LRMDA: variants seen among roughly 807,000 people sequenced by gnomAD.
The protein encoded by LRMDA is leucine-rich melanocyte differentiation-associated protein.
LRMDA carries 18 observed loss-of-function variants against 29.8 expected under a neutral mutation model. That is an observed-to-expected ratio of 0.60 (90% CI 0.42 to 0.90). The LOEUF is 0.90. LRMDA is among the 40% of genes least tolerant of loss of function. The probability of loss-of-function intolerance (pLI) is 0.00; values close to 1 mark genes in which losing one functional copy is unlikely to be tolerated. For missense variants in LRMDA, 273 were observed against 273.9 expected (o/e 1.00, Z 0.02); for synonymous variants, 125 against 109.4 (o/e 1.14, Z -0.89).
At chr10:75,971,224 C>T (rs1846963417) in intron 2 of LRMDA, among the ~76,000 whole-genome samples, 1 of 152,196 alleles carries the variant, frequency 6.6e-6, no homozygotes, top group African/African-American at 2.4e-5. Context: ...TCTTCCCTTT[C>T]TCTCCCCATC....
At chr10:76,119,287 G>C (rs958126535) in intron 5 of LRMDA, among the ~76,000 whole-genome samples, 5 of 152,016 alleles carry the variant, frequency 3.3e-5, no homozygotes, top group Admixed American at 2.6e-4. Context: ...TGGAGCCAAG[G>C]CTCCTCACAC....
intron 2 of LRMDA, among the ~76,000 whole-genome samples, chr10:75,587,559 C>T (rs772933215): frequency 1.3e-5 from 2 of 152,120 alleles, no homozygotes; most frequent in Non-Finnish European, 2.9e-5. Flanking sequence ...GACTAAATGG[C>T]ATATCTTTAT....
chr10:76,484,567 G>C (rs1033782252), intron 6 of LRMDA, among the ~76,000 whole-genome samples: 1 of 151,764 alleles, frequency 6.6e-6, no homozygotes, highest in Admixed American at 6.6e-5. Flanking sequence ...CATTTAAATG[G>C]TATTGCTTTT....
rs114008661 is a variant in LRMDA at position 76,174,556 on chromosome 10, G to T, written c.516+115773G>T. 6.3e-3 allele frequency among the ~76,000 whole-genome samples: 962 copies of T among 152,250 alleles called. 15 individuals carry two copies. The highest frequency in any genetic ancestry group is 0.021 in the African/African-American group (889 of 41,550). On this transcript the variant is annotated intron_variant, in intron 5 of 6. Transcript: ENST00000611255. ...TCCATCTTATCCTCATTGTTGTAGA[G>T]CACTGGGTTTTCTTTCTTACTGTGA... is the stretch of plus-strand genomic sequence containing the variant.
chr10:75,487,917 T>A (rs760354823), intron 2 of LRMDA, among the ~76,000 whole-genome samples: 17 of 152,218 alleles, frequency 1.1e-4, no homozygotes, highest in Non-Finnish European at 2.4e-4. Flanking sequence ...GAGCTACTTC[T>A]GCTATTTTTG....
chr10:76,209,276 C>T (rs1383662716), intron 5 of LRMDA, among the ~76,000 whole-genome samples: 1 of 152,166 alleles, frequency 6.6e-6, no homozygotes, highest in Non-Finnish European at 1.5e-5. Context: ...TGAGCATTTG[C>T]TCAGTCCTGT....
intron 4 of LRMDA, among the ~76,000 whole-genome samples, chr10:76,054,218 A>T (rs550997495): frequency 2.0e-5 from 3 of 152,088 alleles, no homozygotes; most frequent in Non-Finnish European, 4.4e-5. Flanking sequence ...AGATGGAACT[A>T]TTTGGGGCAA....
intron 2 of LRMDA, among the ~76,000 whole-genome samples, chr10:75,514,492 C>T (rs1246584774): frequency 6.6e-6 from 1 of 152,018 alleles, no homozygotes; most frequent in African/African-American, 2.4e-5. Context: ...GATATGTCCC[C>T]TCCAAATTGC....
Position 76,506,512 on chromosome 10 carries a change from A to AT in LRMDA, c.602-50691dup, listed in dbSNP as rs1030380915. ...ATCTCCCCTTATTTTCTTTTCATAC[A>AT]TTTTTTCACCAAAATTTGACTTGTA... On this transcript the variant is annotated intron_variant, in intron 6 of 6. Coordinates refer to ENST00000611255, the MANE Select transcript of LRMDA (RefSeq NM_001305581.2). Among the ~76,000 whole-genome samples the AT allele has an allele frequency of 4.6e-5, 7 of 151,956 alleles. No homozygotes were observed. In the East Asian group the frequency reaches 7.8e-4, roughly 17 times the overall value.
chr10:76,477,260 GACAA>G (rs1184789829), intron 6 of LRMDA, among the ~76,000 whole-genome samples: 2 of 151,150 alleles, frequency 1.3e-5, no homozygotes, highest in East Asian at 1.9e-4. Flanking sequence ...ACCAATAACA[GACAA>G]ACAGAGAGCC....
chr10:75,822,264 G>A (rs1373134896), intron 2 of LRMDA, among the ~76,000 whole-genome samples: 1 of 152,062 alleles, frequency 6.6e-6, no homozygotes, highest in African/African-American at 2.4e-5. Flanking sequence ...TCAAGGAGGT[G>A]AAATATCTCC....
At chr10:76,008,181 A>C (rs1847707110) in intron 2 of LRMDA, among the ~76,000 whole-genome samples, 2 of 152,280 alleles carry the variant, frequency 1.3e-5, no homozygotes, top group East Asian at 1.9e-4. Flanking sequence ...CTAATGTCCT[A>C]AGAAGGCTAC....
At chr10:75,571,905 T>G (rs1672146214) in intron 2 of LRMDA, among the ~76,000 whole-genome samples, 1 of 152,154 alleles carries the variant, frequency 6.6e-6, no homozygotes, top group Non-Finnish European at 1.5e-5. Flanking sequence ...TGCTTTAGTC[T>G]TTAGATCTAG....
At chr10:76,276,814 T>C (rs1197424900) in intron 5 of LRMDA, among the ~76,000 whole-genome samples, 1 of 152,252 alleles carries the variant, frequency 6.6e-6, no homozygotes, top group Admixed American at 6.5e-5. Flanking sequence ...GCCTCATTTC[T>C]TTCAGACTAT....
At chr10:75,751,611 A>T (rs1426750374) in intron 2 of LRMDA, among the ~76,000 whole-genome samples, 2 of 152,192 alleles carry the variant, frequency 1.3e-5, no homozygotes, top group African/African-American at 2.4e-5. Context: ...GCCCTTGCCC[A>T]TAGTAAGCAC....
chr10:75,506,648 C>T (rs972316474), intron 2 of LRMDA, among the ~76,000 whole-genome samples: 1 of 152,076 alleles, frequency 6.6e-6, no homozygotes, highest in Non-Finnish European at 1.5e-5. Context: ...GAGACATGGA[C>T]CATGCTTTAA....
intron 6 of LRMDA, among the ~76,000 whole-genome samples, chr10:76,359,550 T>G (rs754876982): frequency 3.5e-4 from 53 of 152,310 alleles, no homozygotes; most frequent in Non-Finnish European, 6.0e-4. Flanking sequence ...GCCTCCGGTT[T>G]CCTCTGTAAA....
chr10:76,129,108 T>C (rs1047793188), intron 5 of LRMDA, among the ~76,000 whole-genome samples: 3 of 152,220 alleles, frequency 2.0e-5, no homozygotes, highest in African/African-American at 7.2e-5. Flanking sequence ...AGGGTGACTT[T>C]ATTCTCAAGC....
intron 6 of LRMDA, among the ~76,000 whole-genome samples, chr10:76,381,803 C>T (rs1379549152): frequency 2.0e-5 from 3 of 152,154 alleles, no homozygotes; most frequent in African/African-American, 7.2e-5. Flanking sequence ...TTGTATTGTC[C>T]TGTGAAGTCT....
Sources: allele counts gnomAD v4.1 joint callset (sites outside exome capture counted in the v4.1 genomes callset), GRCh38; gene constraint gnomAD v4.1.1; transcripts MANE v1.5; gene names NCBI Gene and HGNC (gene_info 2026-07-23, HGNC 2026-07-21).